The following SPART variants were observed in gnomAD, a reference collection of about 807,000 sequenced individuals.
SPART encodes the protein spastic paraplegia 20 (Troyer syndrome).
In SPART, 35 loss-of-function variants were observed where a neutral mutation model predicts 58.7. The observed-to-expected ratio is 0.60, with a 90% CI of 0.46 to 0.79. The LOEUF (loss-of-function observed/expected upper bound fraction) is 0.79, where lower values mean the gene tolerates loss of function less well. Ranked by LOEUF, SPART falls within the 30% of genes least tolerant of loss-of-function variation. The pLI is 0.00. For missense variants in SPART, 730 were observed against 786.1 expected (o/e 0.93, Z 0.85); for synonymous variants, 284 against 280.7 (o/e 1.01, Z -0.12).
chr13:36,313,645 A>C (rs1352792481), intron 6 of SPART, among the ~76,000 whole-genome samples: 2 of 152,204 alleles, frequency 1.3e-5, no homozygotes, highest in Non-Finnish European at 2.9e-5. Context: ...TTAAATGCAC[A>C]AATACTTACC....
intron 5 of SPART, among the ~76,000 whole-genome samples, chr13:36,323,429 G>C (rs1882615172): frequency 6.6e-6 from 1 of 152,108 alleles, no homozygotes; most frequent in Admixed American, 6.5e-5. Context: ...GGTTTCTCAA[G>C]CCTATACAGG....
chr13:36,321,477 C>T (rs1298400788), intron 5 of SPART, among the ~76,000 whole-genome samples: 2 of 152,052 alleles, frequency 1.3e-5, no homozygotes, highest in Non-Finnish European at 2.9e-5. Flanking sequence ...TCAATTCATC[C>T]AAAACCGTAT....
chr13:36,355,404 G>A (rs192953877), intron 1 of SPART, among the ~76,000 whole-genome samples: 5 of 152,240 alleles, frequency 3.3e-5, no homozygotes, highest in Non-Finnish European at 7.4e-5. Context: ...GGAAATGTGG[G>A]AAACACCCAA....
At chr13:36,341,009 G>T (rs1884524392) in intron 1 of SPART, among the ~76,000 whole-genome samples, 2 of 152,174 alleles carry the variant, frequency 1.3e-5, no homozygotes, top group African/African-American at 4.8e-5. Flanking sequence ...AAGTTTATGT[G>T]CATGCGACAA....
chr13:36,321,133 G>C (rs192459944), intron 5 of SPART, among the ~76,000 whole-genome samples: 6 of 152,132 alleles, frequency 3.9e-5, no homozygotes, highest in African/African-American at 1.2e-4. Flanking sequence ...AGTCTCATTC[G>C]AGACACCAGA....
chr13:36,355,434 A>G (rs867032809), intron 1 of SPART, among the ~76,000 whole-genome samples: 8 of 152,228 alleles, frequency 5.3e-5, no homozygotes, highest in East Asian at 1.9e-4. Context: ...TCTGTTTTCA[A>G]TATCCACATA....
At chr13:36,337,757 T>G (rs1270482217) in intron 1 of SPART, among the ~76,000 whole-genome samples, 1 of 152,186 alleles carries the variant, frequency 6.6e-6, no homozygotes, top group Admixed American at 6.5e-5. Flanking sequence ...GGTGGTTGGA[T>G]TCAACTAATT....
At chr13:36,329,601 T>C (rs570717299) in intron 3 of SPART, 84 bp from the exon 4 acceptor site, 1 of 1,376,024 alleles carries the variant, frequency 7.3e-7, no homozygotes, top group Non-Finnish European at 1.0e-6. Flanking sequence ...CATGCTCAAA[T>C]GACATACTTG....
rs767178551 is a variant in SPART at position 36,331,570 on chromosome 13, A to C, written c.837T>G (p.Val279=). ...LQVCDWLYPL[V]PDRSPVLKCT... is the part of the protein sequence containing the mutation. ...ATTTCAGAACCGGAGATCTATCAGG[A>C]ACTAGAGGATATAACCAGTCACAAA... The change falls in exon 3 of 9, where the codon GTT becomes GTG. Residue 279 remains valine, a synonymous_variant. Transcript: ENST00000438666. The C allele has an allele frequency of 4.0e-5, 65 of 1,613,958 alleles. 1 individual carries two copies. The Middle Eastern group carries it at 1.3e-3, about 33-fold the overall frequency.
chr13:36,324,828 A>G (rs998413917), intron 5 of SPART, among the ~76,000 whole-genome samples: 2 of 152,134 alleles, frequency 1.3e-5, no homozygotes, highest in Non-Finnish European at 1.5e-5. Flanking sequence ...ATTTGGGTAG[A>G]TAAAGGAAAA....
chr13:36,326,568 G>GTAA lies in SPART; in HGVS notation c.1288+4_1288+6dup, dbSNP rs760006380. The GTAA allele has an allele frequency of 2.5e-6, 4 of 1,613,026 alleles. No individual in the cohort carries two copies. In the South Asian group the frequency reaches 3.3e-5, roughly 13 times the overall value. On this transcript the variant is annotated splice_region_variant and intron_variant, in intron 5 of 8. Transcript: ENST00000438666. Reference sequence around the variant, plus strand: ...TACAGGGAAAAAAATTAACATTACTGTAATACCTGACAAAATGTTGTGAGC... The same window carrying GTAA: ...TACAGGGAAAAAAATTAACATTACTGTAATAATACCTGACAAAATGTTGTGAGC...
At chr13:36,347,643 G>A (rs1885230988), upstream of SPART, among the ~76,000 whole-genome samples, 1 of 152,120 alleles carries the variant, frequency 6.6e-6, no homozygotes, top group South Asian at 2.1e-4. Context: ...TATTAATACA[G>A]TGGTTTCAAA....
chr13:36,330,361 A>G lies in SPART; in HGVS notation c.1009-844T>C, dbSNP rs181972514. 7.2e-5 allele frequency among the ~76,000 whole-genome samples: 11 copies of G among 152,160 alleles called. No individual in the cohort carries two copies. The East Asian group carries it at 1.9e-3, about 27-fold the overall frequency. On this transcript the variant is annotated intron_variant, in intron 3 of 8. Coordinates refer to ENST00000438666, the MANE Select transcript of SPART (RefSeq NM_015087.5). ...TTTGTTAAATAATTGCTGCTATGCT[A>G]AAGTATTGGTTTGTTGACCACCAGG... is the stretch of plus-strand genomic sequence containing the variant.
intron 3 of SPART, among the ~76,000 whole-genome samples, chr13:36,330,748 G>C (rs1883383974): frequency 6.6e-6 from 1 of 152,112 alleles, no homozygotes; most frequent in Non-Finnish European, 1.5e-5. Flanking sequence ...GTGGGCAGAG[G>C]AAACATGCCA....
At chr13:36,321,642 G>A (rs1281056547) in intron 5 of SPART, among the ~76,000 whole-genome samples, 4 of 151,792 alleles carry the variant, frequency 2.6e-5, no homozygotes, top group South Asian at 4.2e-4. Flanking sequence ...GAGAAACATC[G>A]CCCATTCTCT....
chr13:36,327,672 G>C (rs1883063148), intron 4 of SPART, among the ~76,000 whole-genome samples: 1 of 152,110 alleles, frequency 6.6e-6, no homozygotes, highest in African/African-American at 2.4e-5. Context: ...AATATATCTA[G>C]AAGGACAACA....
intron 5 of SPART, among the ~76,000 whole-genome samples, chr13:36,318,137 G>A (rs1048973730): frequency 2.0e-4 from 30 of 151,972 alleles, no homozygotes; most frequent in Non-Finnish European, 5.9e-5. Flanking sequence ...CTGCCAGGCC[G>A]AGCTAGGTCC....
chr13:36,343,093 C>A (rs1019299968), intron 1 of SPART, among the ~76,000 whole-genome samples: 3 of 152,164 alleles, frequency 2.0e-5, no homozygotes, highest in African/African-American at 7.2e-5. Flanking sequence ...TTCCAGTAAA[C>A]TTCTACTCTT....
intron 2 of SPART, among the ~76,000 whole-genome samples, chr13:36,333,217 T>C (rs1237497345): frequency 6.6e-6 from 1 of 152,112 alleles, no homozygotes; most frequent in Non-Finnish European, 1.5e-5. Context: ...GGCAATCTCA[T>C]GTCCAATTTC....
Sources: gnomAD v4.1 joint callset for allele counts (sites outside exome capture counted in the v4.1 genomes callset) on GRCh38, gnomAD v4.1.1 for gene constraint, MANE v1.5 for transcripts, NCBI Gene and HGNC (gene_info 2026-07-23, HGNC 2026-07-21) for gene names.